EPB41L2: variants seen among roughly 807,000 people sequenced by gnomAD.
EPB41L2 encodes erythrocyte membrane protein band 4.1 like 2, also known as band 4.1-like protein 2.
A neutral mutation model predicts 113.0 loss-of-function variants in EPB41L2; 43 were observed. That is an observed-to-expected ratio of 0.38 (90% confidence interval 0.30 to 0.49). EPB41L2 has a LOEUF of 0.49. EPB41L2 is among the 20% of genes least tolerant of loss of function. The pLI is 0.95. For missense variants in EPB41L2, 1,147 were observed against 1,223.4 expected (o/e 0.94, Z 0.93); for synonymous variants, 442 against 436.7 (o/e 1.01, Z -0.15).
intron 10 of EPB41L2, among the ~76,000 whole-genome samples, chr6:130,891,397 A>G (rs960219024): frequency 6.6e-6 from 1 of 150,882 alleles, no homozygotes; most frequent in African/African-American, 2.4e-5. Context: ...AAATGCTCCA[A>G]GCAAGGGTGT....
At chr6:131,010,725 T>C (rs1289447120) in intron 1 of EPB41L2, among the ~76,000 whole-genome samples, 2 of 152,120 alleles carry the variant, frequency 1.3e-5, no homozygotes, top group Non-Finnish European at 2.9e-5. Flanking sequence ...AATTAAATCA[T>C]CAATTTTTTA....
At chr6:130,918,613 T>A (rs1412627235) in intron 4 of EPB41L2, among the ~76,000 whole-genome samples, 1 of 152,134 alleles carries the variant, frequency 6.6e-6, no homozygotes, top group Non-Finnish European at 1.5e-5. Context: ...TTTTCATACC[T>A]AGAATGAACT....
chr6:130,939,723 C>A (rs1810137766), intron 3 of EPB41L2, among the ~76,000 whole-genome samples: 2 of 152,148 alleles, frequency 1.3e-5, no homozygotes, highest in South Asian at 4.1e-4. Context: ...AAACAATGAA[C>A]TATGTCAAAA....
chr6:130,872,328 C>T, intron 14 of EPB41L2: 1 of 1,256,376 alleles, frequency 8.0e-7, no homozygotes, highest in Non-Finnish European at 1.0e-6. Flanking sequence ...AAATCTCTCT[C>T]ATATGTGGCT....
chr6:130,984,287 A>G (rs1254440487), intron 1 of EPB41L2, among the ~76,000 whole-genome samples: 1 of 152,242 alleles, frequency 6.6e-6, no homozygotes, highest in Non-Finnish European at 1.5e-5. Flanking sequence ...AAGTAGAAGA[A>G]GTATACCCTA....
At chr6:131,010,661 C>A (rs961091342) in intron 1 of EPB41L2, among the ~76,000 whole-genome samples, 1 of 152,096 alleles carries the variant, frequency 6.6e-6, no homozygotes, top group Non-Finnish European at 1.5e-5. Context: ...GATCCTCCCA[C>A]CTCAGCCTCC....
intron 3 of EPB41L2, among the ~76,000 whole-genome samples, chr6:130,943,132 A>T (rs1250318815): frequency 1.3e-5 from 2 of 152,188 alleles, no homozygotes; most frequent in Admixed American, 1.3e-4. Flanking sequence ...TTGCTGGGTC[A>T]AATGGTATTT....
chr6:130,858,843 A>G (rs1000665403), intron 18 of EPB41L2, among the ~76,000 whole-genome samples: 2 of 152,272 alleles, frequency 1.3e-5, no homozygotes, highest in Admixed American at 6.5e-5. Context: ...GAGCAGTAGC[A>G]ACAACATACA....
At chr6:130,865,425 G>A in intron 17 of EPB41L2, 111 bp downstream of exon 17, 3 of 1,055,664 alleles carry the variant, frequency 2.8e-6, no homozygotes, top group Non-Finnish European at 4.1e-6. Context: ...TGATTCCGCT[G>A]GCACTGTCTG....
At chr6:130,923,383 C>G (rs564772394) in intron 4 of EPB41L2, among the ~76,000 whole-genome samples, 6 of 152,286 alleles carry the variant, frequency 3.9e-5, no homozygotes, top group African/African-American at 1.4e-4. Flanking sequence ...GGAAATGTCC[C>G]AAGCCTTAAC....
chr6:131,011,026 G>T (rs6903066), intron 1 of EPB41L2, among the ~76,000 whole-genome samples: 42,049 of 152,038 alleles, frequency 0.28, 6,477 homozygotes, highest in African/African-American at 0.41. Flanking sequence ...CATTTTCCCT[G>T]ATCCAGTGTT....
At chr6:131,002,719 G>A (rs1221705873) in intron 1 of EPB41L2, among the ~76,000 whole-genome samples, 1 of 152,108 alleles carries the variant, frequency 6.6e-6, no homozygotes. Context: ...ATTTCTTTCA[G>A]GTTCACATCA....
intron 1 of EPB41L2, among the ~76,000 whole-genome samples, chr6:131,048,138 C>CAAAAAAAAA (rs200522047): frequency 1.9e-5 from 1 of 52,964 alleles, no homozygotes; most frequent in African/African-American, 5.6e-5. Flanking sequence ...GACTCTGTCT[C>CAAAAAAAAA]AAAAAAAAAA....
intron 1 of EPB41L2, among the ~76,000 whole-genome samples, chr6:131,029,922 A>G (rs946056258): frequency 2.7e-5 from 4 of 148,574 alleles, no homozygotes; most frequent in African/African-American, 1.0e-4. Flanking sequence ...TTTTTTATGC[A>G]GCACCCCAGC....
chr6:131,011,728 C>G (rs1787030180), intron 1 of EPB41L2, among the ~76,000 whole-genome samples: 5 of 152,158 alleles, frequency 3.3e-5, no homozygotes, highest in Admixed American at 3.3e-4. Flanking sequence ...AGGTACCACT[C>G]TTAATAGGCA....
chr6:131,041,473 C>T (rs1794449612), intron 1 of EPB41L2, among the ~76,000 whole-genome samples: 1 of 152,134 alleles, frequency 6.6e-6, no homozygotes, highest in Admixed American at 6.6e-5. Context: ...GAAAACTAAT[C>T]CTATATTGTA....
intron 4 of EPB41L2, among the ~76,000 whole-genome samples, chr6:130,922,386 A>G (rs939755415): frequency 2.0e-5 from 3 of 152,232 alleles, no homozygotes; most frequent in African/African-American, 2.4e-5. Flanking sequence ...CTGAGGCAAC[A>G]TGGTATTCTT....
chr6:130,979,817 C>T (rs1413319418), intron 1 of EPB41L2, among the ~76,000 whole-genome samples: 2 of 152,020 alleles, frequency 1.3e-5, no homozygotes, highest in East Asian at 1.9e-4. Flanking sequence ...GGTGGAAATC[C>T]GAAGATGGTT....
At chr6:130,853,776 G>T (rs773759425) in intron 19 of EPB41L2, among the ~76,000 whole-genome samples, 2 of 152,134 alleles carry the variant, frequency 1.3e-5, no homozygotes, top group Non-Finnish European at 2.9e-5. Flanking sequence ...AGCTTTATGT[G>T]CCTGAAAAAG....
Sources: gnomAD v4.1 joint callset for allele counts (sites outside exome capture counted in the v4.1 genomes callset) on GRCh38, gnomAD v4.1.1 for gene constraint, MANE v1.5 for transcripts, NCBI Gene and HGNC (gene_info 2026-07-23, HGNC 2026-07-21) for gene names.